The following MKNK1 variants were observed in gnomAD, a reference collection of about 807,000 sequenced individuals.
MKNK1 encodes the protein MAP kinase-interacting serine/threonine-protein kinase 1.
In MKNK1, 30 loss-of-function variants were observed where a neutral mutation model predicts 49.3. The ratio of observed to expected loss-of-function variants is 0.61; its 90% CI spans 0.46 to 0.83. MKNK1 has a LOEUF of 0.83. Ranked by LOEUF, MKNK1 falls within the 40% of genes least tolerant of loss-of-function variation. The pLI is 0.00. For synonymous variants in MKNK1, 176 were observed against 201.7 expected, an observed-to-expected ratio of 0.87 and a Z score of 1.08; for missense variants, 423 against 524.7, an observed-to-expected ratio of 0.81 and a Z score of 1.89.
At chr1:46,584,700 G>T (rs116659780) in intron 2 of MKNK1, 1 of 152,138 alleles carries the variant, frequency 6.6e-6, no homozygotes, top group Non-Finnish European at 1.5e-5. Context: ...TCCGGAGAGA[G>T]CACACAGGAT....
intron 1 of MKNK1, among the ~76,000 whole-genome samples, chr1:46,603,232 G>A (rs1250985027): frequency 5.3e-5 from 8 of 152,174 alleles, no homozygotes; most frequent in African/African-American, 1.9e-4. Context: ...GCTGATGGGT[G>A]GTGATCCAGT....
chr1:46,563,690 G>T (rs1231174774), intron 9 of MKNK1: 1 of 152,150 alleles, frequency 6.6e-6, no homozygotes, highest in East Asian at 1.9e-4. Context: ...TCCTGATAAT[G>T]TTGTTTAGAA....
At position 46,576,559 on chromosome 1, in the gene MKNK1, A is replaced by G; in HGVS notation, c.278+16T>C. On this transcript the variant is annotated intron_variant, in intron 5 of 12. Transcript: ENST00000371945. ...GCGTCCCCCCAGAGAAGCAGCGAGAATCACATGATACTCACTTGTTTCCCT... is the reference window on the plus strand; with the variant it reads ...GCGTCCCCCCAGAGAAGCAGCGAGAGTCACATGATACTCACTTGTTTCCCT... 1 of 1,609,396 alleles carries G rather than the reference A, an allele frequency of 6.2e-7. No individual in the cohort carries two copies. The highest frequency in any genetic ancestry group is 8.5e-7 in the Non-Finnish European group (1 of 1,175,786).
At chr1:46,596,436 A>T (rs757150022) in intron 1 of MKNK1, among the ~76,000 whole-genome samples, 23 of 152,244 alleles carry the variant, frequency 1.5e-4, no homozygotes, top group Non-Finnish European at 2.9e-4. Context: ...TGTGGGCCAT[A>T]CTTTGCCAAC....
intron 1 of MKNK1, among the ~76,000 whole-genome samples, 165 bp from the exon 2 acceptor site, chr1:46,594,445 A>T (rs1673786194): frequency 6.6e-6 from 1 of 152,206 alleles, no homozygotes; most frequent in African/African-American, 2.4e-5. Flanking sequence ...AGACATTTGA[A>T]TTAAATTTTT....
chr1:46,562,211 CGAT>C (rs1051535673), intron 10 of MKNK1, among the ~76,000 whole-genome samples: 2 of 151,838 alleles, frequency 1.3e-5, no homozygotes, highest in African/African-American at 4.8e-5. Context: ...CTGGCTAACA[CGAT>C]GAAACCCCGT....
rs778670035 is a variant in MKNK1, at chr1:46,557,498, A to G, written c.*1077T>C. 6 of 152,660 alleles carry G rather than the reference A, an allele frequency of 3.9e-5. No homozygotes were observed. The highest frequency in any genetic ancestry group is 8.8e-5 in the Non-Finnish European group (6 of 68,042). 9.5% of individuals were successfully genotyped at this position (152,660 alleles called of 1,614,324 possible). A position where few individuals can be genotyped will look rare whatever the true frequency, so the allele number is the denominator to read the frequency against. On this transcript the variant is annotated 3_prime_UTR_variant, in exon 13 of 13. Transcript: ENST00000371945. ...ATAAACGTCTGCCTGACAAATGCAA[A>G]TCTATTTTCTTTATGTAACTCAATA...
chr1:46,571,615 T>C (rs1417462627), intron 7 of MKNK1: 3 of 368,530 alleles, frequency 8.1e-6, no homozygotes, highest in Non-Finnish European at 1.6e-5. Context: ...ACTACATATA[T>C]CCTATCATGC....
In MKNK1 at chr1:46,561,608, T is replaced by A. The variant is rs769166980; in HGVS notation, c.839A>T (p.Tyr280Phe). 111 of 1,614,068 alleles carry A rather than the reference T, an allele frequency of 6.9e-5. No individual in the cohort carries two copies. Among genetic ancestry groups the A allele is most frequent in the Non-Finnish European group, 9.3e-5 (110 of 1,180,012 alleles). ...KLFESIQEGK[Y>F]EFPDKDWAHI... The stretch of plus-strand genomic sequence containing the variant: ...TGCCCAGTCCTTGTCAGGAAACTCA[T>A]ACTTGCCTTCCTGGATGCTTTCAAA... The change falls in exon 11 of 13, where the codon TAT becomes TTT. Residue 280 changes from tyrosine to phenylalanine, a missense_variant. Physicochemically the swap from Tyr to Phe is conservative, Grantham distance 22. Coordinates refer to ENST00000371945, the MANE Select transcript of MKNK1 (RefSeq NM_001135553.4).
chr1:46,581,474 C>T (rs1443584786), intron 3 of MKNK1, among the ~76,000 whole-genome samples: 1 of 129,800 alleles, frequency 7.7e-6, no homozygotes, highest in Non-Finnish European at 1.5e-5. Context: ...CGTGCCACTG[C>T]ACTCCAGCCT....
chr1:46,600,644 T>G (rs1674608835), intron 1 of MKNK1, among the ~76,000 whole-genome samples: 1 of 152,250 alleles, frequency 6.6e-6, no homozygotes, highest in South Asian at 2.1e-4. Context: ...GAGCAAGCTC[T>G]TTGGAGAACT....
intron 1 of MKNK1, among the ~76,000 whole-genome samples, chr1:46,601,395 G>C (rs930138588): frequency 5.9e-5 from 9 of 152,228 alleles, no homozygotes; most frequent in African/African-American, 2.2e-4. Context: ...TATAGCTGCT[G>C]GTCCCCAGAT....
At position 46,560,207 on chromosome 1, in the gene MKNK1, T is replaced by C. The variant is rs560569228; in HGVS notation, c.1013+27A>G. On this transcript the variant is annotated intron_variant, in intron 12 of 12. Transcript: ENST00000371945. ...GTGGCTGAGAGCTTGAGGAAGAGCA[T>C]GGCGTGGGGGTGGTCAGAGCATTTA... is the stretch of plus-strand genomic sequence containing the variant. 122 of 1,613,218 alleles carry C rather than the reference T, an allele frequency of 7.6e-5. No individual in the cohort carries two copies. The South Asian group carries it at 1.2e-3, about 16-fold the overall frequency.
intron 2 of MKNK1, among the ~76,000 whole-genome samples, chr1:46,592,512 C>T (rs1243107867): frequency 6.6e-6 from 1 of 152,184 alleles, no homozygotes; most frequent in East Asian, 1.9e-4. Context: ...GGAGCTGTGC[C>T]TGGGGGCCAC....
At chr1:46,576,318 C>T (rs1173634412) in intron 5 of MKNK1, 1 of 375,760 alleles carries the variant, frequency 2.7e-6, no homozygotes, top group African/African-American at 2.1e-5. Flanking sequence ...CCAACAACCA[C>T]TGATTCAGAT....
intron 1 of MKNK1, among the ~76,000 whole-genome samples, chr1:46,603,292 G>A (rs1169500821): frequency 6.6e-6 from 1 of 152,180 alleles, no homozygotes; most frequent in Non-Finnish European, 1.5e-5. Context: ...GGGCAGTGGT[G>A]CCCTTCCCAT....
chr1:46,598,063 TC>T (rs1457922248), intron 1 of MKNK1, among the ~76,000 whole-genome samples: 1 of 152,196 alleles, frequency 6.6e-6, no homozygotes, highest in Non-Finnish European at 1.5e-5. Context: ...GATCTCATCC[TC>T]CCTTTAAAAT....
intron 1 of MKNK1, chr1:46,594,758 G>A: frequency 3.2e-6 from 1 of 313,056 alleles, no homozygotes; most frequent in Non-Finnish European, 6.4e-6. Flanking sequence ...ACTTTGGGAG[G>A]CTGAGGCAGG....
chr1:46,565,825 C>T (rs953525383), intron 8 of MKNK1, among the ~76,000 whole-genome samples: 2 of 152,178 alleles, frequency 1.3e-5, no homozygotes, highest in Non-Finnish European at 2.9e-5. Context: ...AGCAGCACAG[C>T]GAGTGAACTA....
Sources: allele counts gnomAD v4.1 joint callset (sites outside exome capture counted in the v4.1 genomes callset), GRCh38; gene constraint gnomAD v4.1.1; transcripts MANE v1.5; gene names NCBI Gene and HGNC (gene_info 2026-07-23, HGNC 2026-07-21).